The following ZNF385B variants were observed in gnomAD, a reference collection of about 807,000 sequenced individuals.
The protein encoded by ZNF385B is zinc finger protein 385B.
ZNF385B carries 23 observed loss-of-function variants against 39.2 expected under a neutral mutation model. That is an observed-to-expected ratio of 0.59 (90% CI 0.42 to 0.83). The LOEUF is 0.83. Ranked by LOEUF, ZNF385B falls within the 40% of genes least tolerant of loss-of-function variation. The pLI is 0.00. For synonymous variants in ZNF385B, 205 were observed against 222.6 expected, an observed-to-expected ratio of 0.92 and a Z score of 0.70; for missense variants, 552 against 598.9, an observed-to-expected ratio of 0.92 and a Z score of 0.82.
chr2:179,756,245 G>A (rs1248398539), intron 3 of ZNF385B, among the ~76,000 whole-genome samples: 1 of 152,120 alleles, frequency 6.6e-6, no homozygotes, highest in Admixed American at 6.5e-5. Context: ...ATGAAGCTTA[G>A]TTTGGCTGGA....
intron 4 of ZNF385B, among the ~76,000 whole-genome samples, chr2:179,540,570 A>G (rs2059857699): frequency 6.6e-6 from 1 of 152,200 alleles, no homozygotes. Context: ...CTTAGAAGGG[A>G]CTCATAAATG....
chr2:179,719,748 T>C (rs1700563709), intron 3 of ZNF385B, among the ~76,000 whole-genome samples: 1 of 152,242 alleles, frequency 6.6e-6, no homozygotes, highest in South Asian at 2.1e-4. Flanking sequence ...ATTGCTTTCC[T>C]GATCCTATAA....
At chr2:179,722,653 T>C (rs1700767181) in intron 3 of ZNF385B, among the ~76,000 whole-genome samples, 1 of 151,936 alleles carries the variant, frequency 6.6e-6, no homozygotes, top group African/African-American at 2.4e-5. Flanking sequence ...CCATATAATC[T>C]CAAGGTAGAG....
At chr2:179,720,155 G>T (rs1265305330) in intron 3 of ZNF385B, among the ~76,000 whole-genome samples, 1 of 151,988 alleles carries the variant, frequency 6.6e-6, no homozygotes, top group Non-Finnish European at 1.5e-5. Context: ...ACAGATTTAG[G>T]CTCAATAATG....
chr2:179,843,956 C>A (rs1708673065), intron 1 of ZNF385B, among the ~76,000 whole-genome samples: 1 of 152,334 alleles, frequency 6.6e-6, no homozygotes, highest in African/African-American at 2.4e-5. Context: ...GACAGCAACC[C>A]CATTCAGTGA....
intron 3 of ZNF385B, among the ~76,000 whole-genome samples, chr2:179,591,716 C>CT (rs1553475750): frequency 1.1e-4 from 17 of 152,218 alleles, no homozygotes; most frequent in African/African-American, 4.1e-4. Context: ...TAGATTCTCT[C>CT]TTTTTTCCCC....
chr2:179,722,815 A>C (rs1415931806), intron 3 of ZNF385B, among the ~76,000 whole-genome samples: 10 of 152,194 alleles, frequency 6.6e-5, no homozygotes, highest in Admixed American at 6.6e-4. Flanking sequence ...TGCAACATAG[A>C]AAACTGAAAA....
At position 179,689,823 on chromosome 2, in the gene ZNF385B, GTGTTT is replaced by G. The variant is rs1266012033; in HGVS notation, c.298+79675_298+79679del. Among the ~76,000 whole-genome samples the G allele has an allele frequency of 2.5e-4, 10 of 40,640 alleles. No individual in the cohort carries two copies. In the Admixed American group the frequency reaches 2.5e-3, roughly 10 times the overall value. The allele number at this position is 40,640 out of a possible 152,430, so 26.7% of individuals were successfully genotyped here. A position where few individuals can be genotyped will look rare whatever the true frequency, so the allele number is the denominator to read the frequency against. On this transcript the variant is annotated intron_variant, in intron 3 of 9. Coordinates refer to ENST00000410066, the MANE Select transcript of ZNF385B (RefSeq NM_152520.6). ...TGTGTGTGTGTGTGTGTGTGTGTGTGTGTTTATTTGTTTTTATCCCAGACTTTGGT... is the reference window on the plus strand; with the variant it reads ...TGTGTGTGTGTGTGTGTGTGTGTGTGATTTGTTTTTATCCCAGACTTTGGT...
chr2:179,578,334 G>A (rs1207416200), intron 3 of ZNF385B, among the ~76,000 whole-genome samples: 1 of 152,036 alleles, frequency 6.6e-6, no homozygotes, highest in Non-Finnish European at 1.5e-5. Context: ...TATGTACAAG[G>A]TAATGAGTAA....
chr2:179,834,339 A>G (rs1009329837), intron 1 of ZNF385B, among the ~76,000 whole-genome samples: 1 of 152,180 alleles, frequency 6.6e-6, no homozygotes, highest in Non-Finnish European at 1.5e-5. Flanking sequence ...AGTGAGCCTG[A>G]ACCTCCTTCT....
At chr2:179,607,786 G>C (rs1458793215) in intron 3 of ZNF385B, among the ~76,000 whole-genome samples, 1 of 151,952 alleles carries the variant, frequency 6.6e-6, no homozygotes, top group African/African-American at 2.4e-5. Flanking sequence ...TGGCAGAGAG[G>C]GTTTTCTGTG....
At chr2:179,774,968 G>A (rs1046252132) in intron 1 of ZNF385B, among the ~76,000 whole-genome samples, 1 of 152,208 alleles carries the variant, frequency 6.6e-6, no homozygotes, top group Admixed American at 6.5e-5. Flanking sequence ...AATACTTTCT[G>A]AAGATTAAAA....
intron 3 of ZNF385B, among the ~76,000 whole-genome samples, chr2:179,687,233 C>T (rs1467071804): frequency 2.7e-5 from 4 of 150,738 alleles, no homozygotes; most frequent in East Asian, 1.9e-4. Context: ...AGGGGGAAGA[C>T]GACTATTACT....
intron 3 of ZNF385B, among the ~76,000 whole-genome samples, chr2:179,570,160 G>C (rs1018119899): frequency 2.0e-5 from 3 of 152,100 alleles, no homozygotes; most frequent in Admixed American, 6.6e-5. Context: ...AGCCAAGAGA[G>C]TCCATCATCT....
At chr2:179,609,450 TACC>T (rs775994960) in intron 3 of ZNF385B, among the ~76,000 whole-genome samples, 5 of 152,214 alleles carry the variant, frequency 3.3e-5, no homozygotes, top group South Asian at 2.1e-4. Flanking sequence ...TGTGTATATG[TACC>T]ACATTTTCTT....
intron 3 of ZNF385B, among the ~76,000 whole-genome samples, chr2:179,630,104 C>G (rs1192030210): frequency 6.6e-6 from 1 of 152,246 alleles, no homozygotes; most frequent in Admixed American, 6.5e-5. Flanking sequence ...GAACAAAAGG[C>G]AGCAGACAAC....
At chr2:179,843,196 C>A (rs1253533197) in intron 1 of ZNF385B, among the ~76,000 whole-genome samples, 1 of 152,202 alleles carries the variant, frequency 6.6e-6, no homozygotes, top group East Asian at 1.9e-4. Flanking sequence ...AAAGCCATTT[C>A]TCTTCTAGTA....
At chr2:179,766,836 T>C (rs1169225374) in intron 3 of ZNF385B, among the ~76,000 whole-genome samples, 2 of 152,042 alleles carry the variant, frequency 1.3e-5, no homozygotes, top group South Asian at 2.1e-4. Flanking sequence ...AGCCAAGTGA[T>C]GGGCAAAAAA....
intron 3 of ZNF385B, among the ~76,000 whole-genome samples, chr2:179,678,572 G>C (rs1697177543): frequency 6.6e-6 from 1 of 152,140 alleles, no homozygotes; most frequent in African/African-American, 2.4e-5. Context: ...GTAGGAACCT[G>C]GTTTCCTGAT....
Sources: allele counts gnomAD v4.1 joint callset (sites outside exome capture counted in the v4.1 genomes callset), GRCh38; gene constraint gnomAD v4.1.1; transcripts MANE v1.5; gene names NCBI Gene and HGNC (gene_info 2026-07-23, HGNC 2026-07-21).